LTBP1: variants seen among roughly 807,000 people sequenced by gnomAD.
LTBP1 encodes the protein latent transforming growth factor beta binding protein 1, also known as latent-transforming growth factor beta-binding protein 1.
In LTBP1, 129 loss-of-function variants were observed where a neutral mutation model predicts 207.6. The ratio of observed to expected loss-of-function variants is 0.62; its 90% CI spans 0.54 to 0.72. The LOEUF (loss-of-function observed/expected upper bound fraction) is 0.72, where lower values mean the gene tolerates loss of function less well. Ranked by LOEUF, LTBP1 falls within the 30% of genes least tolerant of loss-of-function variation. LTBP1 has a pLI of 0.00. For missense variants in LTBP1, 2,281 were observed against 2,217.2 expected (o/e 1.03, Z -0.58); for synonymous variants, 963 against 833.7 (o/e 1.16, Z -2.67).
At chr2:33,057,483 T>A (rs113624557) in intron 3 of LTBP1, among the ~76,000 whole-genome samples, 157 of 152,228 alleles carry the variant, frequency 1.0e-3, no homozygotes, top group African/African-American at 3.7e-3. Flanking sequence ...AGGGGGCAGC[T>A]CTCATCGGGG....
chr2:33,063,087 T>TTCAAAA (rs1474854092), intron 3 of LTBP1: 1 of 152,264 alleles, frequency 6.6e-6, no homozygotes, highest in Non-Finnish European at 1.5e-5. Context: ...TCTTGAGTAC[T>TTCAAAA]GTAGCTTCAA....
chr2:33,265,709 A>G (rs757635204), intron 15 of LTBP1, among the ~76,000 whole-genome samples: 1 of 152,120 alleles, frequency 6.6e-6, no homozygotes, highest in South Asian at 2.1e-4. Context: ...TTTTAGTGGC[A>G]TCTGAGAGAT....
rs1553509296 is a variant in LTBP1 at position 33,341,729 on chromosome 2, A to ATAATATATATATATAT, written c.3731-1109_3731-1108insTAATATATATATATAT. Among the ~76,000 whole-genome samples, 3 of 93,636 alleles carry ATAATATATATATATAT rather than the reference A, an allele frequency of 3.2e-5. No individual in the cohort carries two copies. In the East Asian group the frequency reaches 9.8e-4, roughly 31 times the overall value. 61.4% of individuals were successfully genotyped at this position (93,636 alleles called of 152,430 possible). A position where few individuals can be genotyped will look rare whatever the true frequency, so the allele number is the denominator to read the frequency against. ...CCGTCTCACTCAAAAAAAAAAAAAA[A>ATAATATATATATATAT]ATATATATATATATATGTATATTTA... On this transcript the variant is annotated intron_variant, in intron 24 of 33. Transcript: ENST00000404816.
chr2:33,306,865 G>A (rs1320986151), intron 22 of LTBP1, among the ~76,000 whole-genome samples: 1 of 152,046 alleles, frequency 6.6e-6, no homozygotes, highest in Non-Finnish European at 1.5e-5. Flanking sequence ...CGAGGCGGGT[G>A]GATCACAAGG....
intron 2 of LTBP1, among the ~76,000 whole-genome samples, chr2:33,010,781 T>G (rs1687575796): frequency 6.6e-6 from 1 of 150,912 alleles, no homozygotes; most frequent in South Asian, 2.1e-4. Context: ...GTGCAGTGGC[T>G]TGATCTTGTC....
chr2:33,141,852 G>A (rs780240002), intron 5 of LTBP1, among the ~76,000 whole-genome samples: 4 of 151,994 alleles, frequency 2.6e-5, no homozygotes, highest in African/African-American at 9.7e-5. Context: ...TGGGTTCATC[G>A]ACCTGCTTTG....
At chr2:33,146,756 A>G (rs1410489632) in intron 5 of LTBP1, among the ~76,000 whole-genome samples, 1 of 152,150 alleles carries the variant, frequency 6.6e-6, no homozygotes, top group Non-Finnish European at 1.5e-5. Context: ...GGGAGATGCT[A>G]CACACTTTTA....
At chr2:33,326,345 A>G (rs1011632601) in intron 24 of LTBP1, among the ~76,000 whole-genome samples, 3 of 152,312 alleles carry the variant, frequency 2.0e-5, no homozygotes, top group Middle Eastern at 3.4e-3. Context: ...AATGACATAA[A>G]TGTCCTTTCC....
At chr2:33,348,967 G>C (rs544095832) in intron 26 of LTBP1, among the ~76,000 whole-genome samples, 20 of 152,218 alleles carry the variant, frequency 1.3e-4, no homozygotes, top group Non-Finnish European at 2.1e-4. Context: ...ACTGTCTTAT[G>C]ACAGTCTTCA....
intron 13 of LTBP1, among the ~76,000 whole-genome samples, chr2:33,261,268 T>C (rs2093002316): frequency 6.6e-6 from 1 of 152,164 alleles, no homozygotes. Context: ...ACTGCAGTAG[T>C]GGATTAACAC....
In LTBP1 at chr2:33,359,795, G is replaced by T. The variant is rs546315292; in HGVS notation, c.4001-802G>T. On this transcript the variant is annotated intron_variant, in intron 26 of 33. Coordinates refer to ENST00000404816, the MANE Select transcript of LTBP1 (RefSeq NM_206943.4). ...ATAGTGATCATTTTTTAAAAGCACA[G>T]ACTTGTTCAAAGATTTCGTATCTGA... is the stretch of plus-strand genomic sequence containing the variant. Among the ~76,000 whole-genome samples the T allele has an allele frequency of 2.0e-5, 3 of 152,328 alleles. No individual in the cohort carries two copies. In the South Asian group the frequency reaches 6.2e-4, roughly 32 times the overall value.
intron 13 of LTBP1, 43 bp downstream of exon 13, chr2:33,259,653 A>C: frequency 6.3e-7 from 1 of 1,574,990 alleles, no homozygotes. Context: ...TTCAACGCTC[A>C]AAGTGATTTT....
intron 3 of LTBP1, among the ~76,000 whole-genome samples, chr2:33,035,343 G>A (rs528498126): frequency 1.3e-5 from 2 of 152,186 alleles, no homozygotes; most frequent in Non-Finnish European, 2.9e-5. Flanking sequence ...GCAAAACTGC[G>A]TAGAGTTCCA....
At chr2:33,282,574 G>A (rs1261939110) in intron 19 of LTBP1, among the ~76,000 whole-genome samples, 1 of 152,130 alleles carries the variant, frequency 6.6e-6, no homozygotes, top group East Asian at 1.9e-4. Context: ...GCTAAACTCT[G>A]ACCATGTTAA....
intron 19 of LTBP1, among the ~76,000 whole-genome samples, chr2:33,281,776 G>A (rs967593553): frequency 5.9e-5 from 9 of 152,118 alleles, no homozygotes; most frequent in African/African-American, 2.2e-4. Flanking sequence ...AATTGTTTTT[G>A]TAACTGGTGC....
intron 2 of LTBP1, among the ~76,000 whole-genome samples, chr2:32,968,342 T>C (rs184848978): frequency 2.6e-4 from 39 of 152,338 alleles, no homozygotes; most frequent in Non-Finnish European, 4.9e-4. Context: ...TATGTTTTCT[T>C]GGAGAATTGA....
At position 33,211,655 on chromosome 2, in the gene LTBP1, C is replaced by G. The variant is rs549080629; in HGVS notation, c.1702-5897C>G. Among the ~76,000 whole-genome samples, 18 of 152,328 alleles carry G rather than the reference C, an allele frequency of 1.2e-4. No individual in the cohort carries two copies. In the East Asian group the frequency reaches 3.5e-3, roughly 29 times the overall value. On this transcript the variant is annotated intron_variant, in intron 7 of 33. Coordinates refer to ENST00000404816, the MANE Select transcript of LTBP1 (RefSeq NM_206943.4). Reference sequence around the variant, plus strand: ...GACTCTGCACAGTGCAGCAAACACTCTTGGAATGAGGGTACGTTGTAGGCA... The same window carrying G: ...GACTCTGCACAGTGCAGCAAACACTGTTGGAATGAGGGTACGTTGTAGGCA...
intron 5 of LTBP1, among the ~76,000 whole-genome samples, chr2:33,163,696 T>C (rs2084661649): frequency 6.6e-6 from 1 of 152,296 alleles, no homozygotes; most frequent in Non-Finnish European, 1.5e-5. Context: ...TTCATACATT[T>C]GTATAAATAA....
At chr2:33,157,402 G>A (rs141096751) in intron 5 of LTBP1, among the ~76,000 whole-genome samples, 108 of 152,336 alleles carry the variant, frequency 7.1e-4, no homozygotes, top group African/African-American at 2.4e-3. Flanking sequence ...GGAGGAGTAA[G>A]CATTTTGTAG....
Sources: allele counts gnomAD v4.1 joint callset (sites outside exome capture counted in the v4.1 genomes callset), GRCh38; gene constraint gnomAD v4.1.1; transcripts MANE v1.5; gene names NCBI Gene and HGNC (gene_info 2026-07-23, HGNC 2026-07-21).